Variants in IDE observed in about 807,000 individuals in gnomAD.
IDE encodes the protein insulin-degrading enzyme.
Under a neutral mutation model 133.2 loss-of-function variants are expected in IDE, and 58 were observed. The observed-to-expected ratio is 0.44, with a 90% CI of 0.35 to 0.54. IDE has a LOEUF of 0.54. Among genes scored for constraint, IDE ranks in the 20% least tolerant of loss-of-function variants. The pLI is 0.00. For synonymous variants in IDE, 396 were observed against 421.3 expected (o/e 0.94, Z 0.73); for missense variants, 981 against 1,234.0 (o/e 0.79, Z 3.07).
Position 92,452,468 on chromosome 10 carries a change from C to T in IDE, c.*1976G>A, listed in dbSNP as rs1200080330. On this transcript the variant is annotated 3_prime_UTR_variant, in exon 25 of 25. Coordinates refer to ENST00000265986, the MANE Select transcript of IDE (RefSeq NM_004969.4). ...TTGCTCATGGACTGCAGCTTGGACC[C>T]ATCTAAATGAATCCATTAGTATGCC... The T allele has an allele frequency of 6.6e-6, 1 of 152,218 alleles. No homozygotes were observed. The highest frequency in any genetic ancestry group is 1.5e-5 in the Non-Finnish European group (1 of 68,044). 9.4% of individuals were successfully genotyped at this position (152,218 alleles called of 1,614,324 possible). A position where few individuals can be genotyped will look rare whatever the true frequency, so the allele number is the denominator to read the frequency against.
At chr10:92,529,451 T>C (rs1046621296) in intron 4 of IDE, among the ~76,000 whole-genome samples, 3 of 152,220 alleles carry the variant, frequency 2.0e-5, no homozygotes, top group African/African-American at 4.8e-5. Context: ...TATATTACCT[T>C]GTACTTTGCT....
At chr10:92,461,076 A>G (rs1301016078) in intron 22 of IDE, 115 bp downstream of exon 22, 1 of 576,884 alleles carries the variant, frequency 1.7e-6, no homozygotes, top group Non-Finnish European at 3.2e-6. Context: ...CCTGACCTCA[A>G]GTGATCCTTC....
intron 18 of IDE, among the ~76,000 whole-genome samples, chr10:92,469,455 G>A (rs1375018073): frequency 2.6e-5 from 4 of 151,842 alleles, no homozygotes; most frequent in Admixed American, 6.6e-5. Flanking sequence ...TTGAGACAGG[G>A]TTTCGTTCTG....
chr10:92,491,862 C>T (rs1455922234), intron 11 of IDE, among the ~76,000 whole-genome samples: 1 of 152,140 alleles, frequency 6.6e-6, no homozygotes, highest in Non-Finnish European at 1.5e-5. Flanking sequence ...CCGCCTGCCT[C>T]AGCCTCCCAA....
intron 1 of IDE, among the ~76,000 whole-genome samples, chr10:92,538,224 G>A (rs550982201): frequency 6.6e-6 from 1 of 152,316 alleles, no homozygotes; most frequent in Non-Finnish European, 1.5e-5. Flanking sequence ...GCTAGAATAA[G>A]TGAGGTGAGA....
chr10:92,507,781 G>A, intron 8 of IDE, 115 bp from the exon 9 acceptor site: 1 of 698,208 alleles, frequency 1.4e-6, no homozygotes, highest in Admixed American at 2.2e-5. Flanking sequence ...AGAAAATGCA[G>A]TCCTCACCTC....
intron 1 of IDE, among the ~76,000 whole-genome samples, chr10:92,553,207 T>TGAAG (rs1264923757): frequency 1.3e-5 from 2 of 152,158 alleles, no homozygotes; most frequent in Non-Finnish European, 2.9e-5. Context: ...GCGGATCACC[T>TGAAG]GAAGTCAGGA....
intron 1 of IDE, among the ~76,000 whole-genome samples, chr10:92,562,844 T>C (rs1192412948): frequency 2.0e-5 from 3 of 152,214 alleles, no homozygotes; most frequent in Non-Finnish European, 2.9e-5. Flanking sequence ...ACTTCCTCCA[T>C]AAAAAGAAAA....
chr10:92,527,806 G>A (rs1249283253), intron 4 of IDE, among the ~76,000 whole-genome samples: 2 of 152,138 alleles, frequency 1.3e-5, no homozygotes, highest in Non-Finnish European at 2.9e-5. Context: ...CACGAGGCTG[G>A]GAGATCGAGA....
chr10:92,500,260 G>A (rs1287445268), intron 11 of IDE, among the ~76,000 whole-genome samples: 2 of 151,094 alleles, frequency 1.3e-5, no homozygotes, highest in Non-Finnish European at 2.9e-5. Context: ...TCGCACCATG[G>A]CATTCCAGCC....
At chr10:92,548,300 G>A (rs956099880) in intron 1 of IDE, among the ~76,000 whole-genome samples, 4 of 143,380 alleles carry the variant, frequency 2.8e-5, no homozygotes, top group Non-Finnish European at 6.0e-5. Flanking sequence ...CAGAGGTTGC[G>A]GTGAACCAAG....
At position 92,471,986 on chromosome 10, in the gene IDE, A is replaced by G. The variant is rs186088795; in HGVS notation, c.2117-1641T>C. On this transcript the variant is annotated intron_variant, in intron 17 of 24. Coordinates refer to ENST00000265986, the MANE Select transcript of IDE (RefSeq NM_004969.4). Reference sequence around the variant, plus strand: ...CAGTCAGTAAATGCTGCTGGACCACACTGAACCCTGAAGTTCTTGCTACCC... The same window carrying G: ...CAGTCAGTAAATGCTGCTGGACCACGCTGAACCCTGAAGTTCTTGCTACCC... 4.9e-3 allele frequency among the ~76,000 whole-genome samples: 748 copies of G among 152,300 alleles called. 8 individuals carry two copies. Among genetic ancestry groups the G allele is most frequent in the African/African-American group, 0.017 (711 of 41,560 alleles).
chr10:92,456,258 C>T (rs1333055278), intron 23 of IDE, 101 bp downstream of exon 23: 7 of 827,438 alleles, frequency 8.5e-6, no homozygotes, highest in Non-Finnish European at 4.2e-6. Flanking sequence ...CCGTTCTCTA[C>T]CTCTTTTACT....
At chr10:92,570,212 A>C (rs1843722896) in intron 1 of IDE, among the ~76,000 whole-genome samples, 1 of 152,258 alleles carries the variant, frequency 6.6e-6, no homozygotes, top group Non-Finnish European at 1.5e-5. Flanking sequence ...AGTAATCAGT[A>C]TGGTGATAAA....
chr10:92,506,238 A>C (rs1475703916), intron 10 of IDE, among the ~76,000 whole-genome samples: 1 of 152,224 alleles, frequency 6.6e-6, no homozygotes, highest in East Asian at 1.9e-4. Flanking sequence ...TATTTAATAA[A>C]AATATTACAT....
intron 10 of IDE, among the ~76,000 whole-genome samples, chr10:92,505,914 A>G (rs1003601297): frequency 2.6e-5 from 4 of 152,226 alleles, no homozygotes; most frequent in African/African-American, 9.6e-5. Flanking sequence ...CTTGTAGGCC[A>G]AGGAAAATTT....
chr10:92,457,836 C>T (rs1202727299), intron 22 of IDE, among the ~76,000 whole-genome samples: 2 of 152,192 alleles, frequency 1.3e-5, no homozygotes, highest in East Asian at 3.9e-4. Flanking sequence ...CCCGTGGCTC[C>T]CCACTCTACT....
At position 92,510,784 on chromosome 10, in the gene IDE, CTCACATGATATATAGCACATACATA is replaced by C. The variant is rs1268866153; in HGVS notation, c.785-647_785-623del. On this transcript the variant is annotated intron_variant, in intron 5 of 24. Coordinates refer to ENST00000265986, the MANE Select transcript of IDE (RefSeq NM_004969.4). The stretch of plus-strand genomic sequence containing the variant: ...CATATATGATATATAGCACATACAT[CTCACATGATATATAGCACATACATA>C]TCACATATATGATATATAGCACATA... Among the ~76,000 whole-genome samples, 226 of 42,190 alleles carry C rather than the reference CTCACATGATATATAGCACATACATA, an allele frequency of 5.4e-3. 4 individuals carry two copies. Among genetic ancestry groups the C allele is most frequent in the South Asian group, 0.012 (16 of 1,332 alleles). 27.7% of individuals were successfully genotyped at this position (42,190 alleles called of 152,430 possible). A position where few individuals can be genotyped will look rare whatever the true frequency, so the allele number is the denominator to read the frequency against.
chr10:92,560,670 C>T (rs935964145), intron 1 of IDE, among the ~76,000 whole-genome samples: 1 of 152,056 alleles, frequency 6.6e-6, no homozygotes, highest in African/African-American at 2.4e-5. Flanking sequence ...GTAGTCTCAG[C>T]TACTCAGGAG....
Sources: gnomAD v4.1 joint callset for allele counts (sites outside exome capture counted in the v4.1 genomes callset) on GRCh38, gnomAD v4.1.1 for gene constraint, MANE v1.5 for transcripts, NCBI Gene and HGNC (gene_info 2026-07-23, HGNC 2026-07-21) for gene names.